Variants in COP1 observed in about 807,000 individuals in gnomAD.
The protein encoded by COP1 is COP1 E3 ubiquitin ligase.
In COP1, 24 loss-of-function variants were observed where a neutral mutation model predicts 101.3. The ratio of observed to expected loss-of-function variants is 0.24; its 90% confidence interval spans 0.17 to 0.33. The LOEUF (loss-of-function observed/expected upper bound fraction) is 0.33, where lower values mean the gene tolerates loss of function less well. Ranked by LOEUF, COP1 falls within the 10% of genes least tolerant of loss-of-function variation. The probability of loss-of-function intolerance (pLI) is 1.00; values close to 1 mark genes in which losing one functional copy is unlikely to be tolerated. For missense variants in COP1, 663 were observed against 906.2 expected (o/e 0.73, Z 3.45); for synonymous variants, 347 against 341.9 (o/e 1.01, Z -0.17).
chr1:176,206,521 C>A (rs1411147146), intron 1 of COP1, 51 bp downstream of exon 1: 10 of 1,584,144 alleles, frequency 6.3e-6, no homozygotes, highest in Non-Finnish European at 7.7e-6. Context: ...CAAGCCTAAG[C>A]GGCAGAAACT....
intron 10 of COP1, among the ~76,000 whole-genome samples, chr1:176,082,281 A>G (rs1679292891): frequency 6.6e-6 from 1 of 152,206 alleles, no homozygotes; most frequent in Non-Finnish European, 1.5e-5. Context: ...CTAAGCCCAT[A>G]CATACACACA....
chr1:176,133,589 C>T (rs1689304501), intron 8 of COP1, among the ~76,000 whole-genome samples: 1 of 151,898 alleles, frequency 6.6e-6, no homozygotes, highest in African/African-American at 2.4e-5. Context: ...AGGACTTTGT[C>T]AGCTAGATCC....
chr1:176,044,472 G>C (rs1277899727), intron 12 of COP1, among the ~76,000 whole-genome samples: 3 of 152,178 alleles, frequency 2.0e-5, no homozygotes, highest in Admixed American at 6.5e-5. Context: ...TTACTTAGAA[G>C]GCAGTTAATG....
rs563721692 is a variant in COP1 at position 176,046,946 on chromosome 1, TTAAA to T, written c.1278-626_1278-623del. Among the ~76,000 whole-genome samples the T allele has an allele frequency of 1.3e-3, 200 of 151,748 alleles. 2 individuals are homozygous for T. Among genetic ancestry groups the T allele is most frequent in the Admixed American group, 2.6e-3 (39 of 15,234 alleles). On this transcript the variant is annotated intron_variant, in intron 11 of 19. Coordinates refer to ENST00000367669, the MANE Select transcript of COP1 (RefSeq NM_022457.7). ...CACATTCCTCATATCACAAAAGAGG[TTAAA>T]TAAATAAATAAATAAATAATCTCCT...
chr1:176,043,784 A>G lies in COP1; in HGVS notation c.1456T>C (p.Leu486=). ...GTGCCTTCATAATCACTGCTAGCTA[A>G]CAGGTTCTTATGGTAACTACTCCAA... is the stretch of plus-strand genomic sequence containing the variant. ...ISWSSYHKNL[L]ASSDYEGTVI... The change falls in exon 13 of 20, where the codon TTA becomes CTA. Residue 486 remains leucine, a synonymous_variant. Transcript: ENST00000367669. The G allele has an allele frequency of 6.2e-7, 1 of 1,610,718 alleles. No homozygotes were observed. Among genetic ancestry groups the G allele is most frequent in the Non-Finnish European group, 8.5e-7 (1 of 1,177,032 alleles).
At chr1:176,166,457 T>G (rs1371940672) in intron 3 of COP1, among the ~76,000 whole-genome samples, 1 of 152,108 alleles carries the variant, frequency 6.6e-6, no homozygotes, top group Non-Finnish European at 1.5e-5. Context: ...GCCACAAAAT[T>G]AAATTACAAA....
intron 8 of COP1, among the ~76,000 whole-genome samples, chr1:176,134,186 C>T (rs1689422679): frequency 6.6e-6 from 1 of 151,960 alleles, no homozygotes. Context: ...CATAGTAGAA[C>T]TGGACTTCCT....
chr1:176,084,677 T>G (rs1679795208), intron 10 of COP1, among the ~76,000 whole-genome samples: 1 of 151,936 alleles, frequency 6.6e-6, no homozygotes, highest in African/African-American at 2.4e-5. Context: ...GCCTTCTCCC[T>G]TGGTCTTCAG....
At chr1:176,141,678 A>C (rs1262497121) in intron 6 of COP1, among the ~76,000 whole-genome samples, 1 of 152,016 alleles carries the variant, frequency 6.6e-6, no homozygotes, top group African/African-American at 2.4e-5. Flanking sequence ...CTAGTTCCTG[A>C]AATGGCAGAC....
chr1:176,058,142 G>GGC (rs1366114566), intron 11 of COP1, among the ~76,000 whole-genome samples: 3 of 141,352 alleles, frequency 2.1e-5, no homozygotes, highest in Admixed American at 7.0e-5. Context: ...GGGTGGGGGG[G>GGC]GGGTCAGCCC....
chr1:175,983,672 T>C (rs940117897), intron 18 of COP1, among the ~76,000 whole-genome samples: 1 of 152,006 alleles, frequency 6.6e-6, no homozygotes, highest in Non-Finnish European at 1.5e-5. Flanking sequence ...GACAGGAAAA[T>C]GTGGGAAAAT....
At chr1:176,135,567 T>A (rs1689667864) in intron 7 of COP1, among the ~76,000 whole-genome samples, 1 of 152,046 alleles carries the variant, frequency 6.6e-6, no homozygotes, top group South Asian at 2.1e-4. Flanking sequence ...TTATATATAT[T>A]CTTCACAAAT....
intron 8 of COP1, among the ~76,000 whole-genome samples, chr1:176,134,261 A>C (rs1689439348): frequency 6.6e-6 from 1 of 152,048 alleles, no homozygotes; most frequent in Non-Finnish European, 1.5e-5. Flanking sequence ...TCCTAAACAG[A>C]GAGTGGATTT....
chr1:175,976,927 C>T (rs1353371675), intron 18 of COP1, among the ~76,000 whole-genome samples: 1 of 152,080 alleles, frequency 6.6e-6, no homozygotes, highest in Non-Finnish European at 1.5e-5. Context: ...CTTGTATCTC[C>T]TAAAACAAAC....
intron 18 of COP1, among the ~76,000 whole-genome samples, chr1:175,952,051 T>C (rs11580753): frequency 0.034 from 5,129 of 152,044 alleles, 118 homozygotes; most frequent in Non-Finnish European, 0.048. Context: ...CAAAGACACA[T>C]TACATAAAGA....
At chr1:176,133,773 A>T in intron 8 of COP1, 1 of 424,516 alleles carries the variant, frequency 2.4e-6, no homozygotes, top group Middle Eastern at 4.7e-4. Context: ...AGAGAGGAAA[A>T]AGACAATGGG....
chr1:176,037,034 C>T (rs1669679532), intron 14 of COP1, among the ~76,000 whole-genome samples: 1 of 152,140 alleles, frequency 6.6e-6, no homozygotes, highest in Non-Finnish European at 1.5e-5. Context: ...AAATTAAATT[C>T]TTAGTTAAAA....
chr1:176,193,158 A>T (rs143474987), intron 1 of COP1, among the ~76,000 whole-genome samples: 1 of 152,316 alleles, frequency 6.6e-6, no homozygotes, highest in East Asian at 1.9e-4. Flanking sequence ...TGAATGGCCA[A>T]CAAGCTCTTG....
At chr1:176,184,503 C>T in intron 2 of COP1, 130 bp downstream of exon 2, 1 of 680,942 alleles carries the variant, frequency 1.5e-6, no homozygotes, top group South Asian at 2.1e-5. Flanking sequence ...TCTACAAAGA[C>T]ATGTCAAGAA....
Sources: allele counts gnomAD v4.1 joint callset (sites outside exome capture counted in the v4.1 genomes callset), GRCh38; gene constraint gnomAD v4.1.1; transcripts MANE v1.5; gene names NCBI Gene and HGNC (gene_info 2026-07-23, HGNC 2026-07-21).